Variants in CACNA2D3 observed in about 807,000 individuals in gnomAD.
CACNA2D3 encodes the protein voltage-dependent calcium channel subunit alpha-2/delta-3.
CACNA2D3 carries 60 observed loss-of-function variants against 160.6 expected under a neutral mutation model. The ratio of observed to expected loss-of-function variants is 0.37; its 90% CI spans 0.30 to 0.46. The LOEUF is 0.46. CACNA2D3 is among the 20% of genes least tolerant of loss of function. CACNA2D3 has a pLI of 1.00. For missense variants in CACNA2D3, 1,205 were observed against 1,365.0 expected (o/e 0.88, Z 1.85); for synonymous variants, 558 against 492.9 (o/e 1.13, Z -1.75).
At chr3:54,503,355 A>C in intron 4 of CACNA2D3, 137 bp from the exon 5 acceptor site, 1 of 706,458 alleles carries the variant, frequency 1.4e-6, no homozygotes, top group Non-Finnish European at 2.4e-6. Context: ...TGGACAGTAC[A>C]TAAGACATAA....
intron 27 of CACNA2D3, among the ~76,000 whole-genome samples, chr3:54,929,264 A>G (rs1411043756): frequency 1.3e-5 from 2 of 152,176 alleles, no homozygotes; most frequent in Non-Finnish European, 2.9e-5. Context: ...ATATGGCAGT[A>G]CACGACATGG....
At chr3:54,568,022 T>C (rs977098263) in intron 6 of CACNA2D3, among the ~76,000 whole-genome samples, 7 of 152,246 alleles carry the variant, frequency 4.6e-5, no homozygotes, top group South Asian at 4.1e-4. Context: ...TAGTCCTTCA[T>C]AGTTCCATTA....
intron 3 of CACNA2D3, among the ~76,000 whole-genome samples, chr3:54,344,487 G>A (rs985102740): frequency 6.6e-6 from 1 of 152,188 alleles, no homozygotes; most frequent in Non-Finnish European, 1.5e-5. Context: ...TTCTGGCAAC[G>A]AGAAATCATT....
At chr3:54,211,175 C>CTT (rs60436775) in intron 2 of CACNA2D3, among the ~76,000 whole-genome samples, 2 of 151,100 alleles carry the variant, frequency 1.3e-5, no homozygotes, top group African/African-American at 4.9e-5. Context: ...TATTTCCCCT[C>CTT]TTTTTTTTTA....
intron 4 of CACNA2D3, among the ~76,000 whole-genome samples, chr3:54,464,620 C>T (rs972364980): frequency 3.9e-5 from 6 of 152,212 alleles, no homozygotes; most frequent in African/African-American, 4.8e-5. Context: ...TTTTTAAGCC[C>T]GTCGGAAAAG....
intron 9 of CACNA2D3, among the ~76,000 whole-genome samples, chr3:54,620,164 A>G (rs978015948): frequency 6.6e-6 from 1 of 152,140 alleles, no homozygotes; most frequent in Non-Finnish European, 1.5e-5. Flanking sequence ...TAGGGTGGAC[A>G]TGGCTGTTGG....
At chr3:54,279,582 G>A (rs1702823288) in intron 2 of CACNA2D3, among the ~76,000 whole-genome samples, 1 of 152,204 alleles carries the variant, frequency 6.6e-6, no homozygotes, top group Non-Finnish European at 1.5e-5. Context: ...GCGCAGGAAG[G>A]TTGGATTTTC....
At chr3:54,559,680 T>G (rs1702295472) in intron 5 of CACNA2D3, among the ~76,000 whole-genome samples, 1 of 152,182 alleles carries the variant, frequency 6.6e-6, no homozygotes, top group African/African-American at 2.4e-5. Context: ...TACAGATTAT[T>G]TCATCACTTA....
chr3:54,143,461 A>G (rs1045933304), intron 2 of CACNA2D3, among the ~76,000 whole-genome samples: 4 of 152,220 alleles, frequency 2.6e-5, no homozygotes, highest in African/African-American at 9.6e-5. Context: ...ACAAACTGCT[A>G]TCCCATTATT....
rs192156487 is a variant in CACNA2D3 at position 54,928,869 on chromosome 3, C to T, written c.2449+29001C>T. Among the ~76,000 whole-genome samples, 17 of 152,246 alleles carry T rather than the reference C, an allele frequency of 1.1e-4. No homozygotes were observed. The East Asian group carries it at 2.7e-3, about 24-fold the overall frequency. ...CCCCCTGTGAGCATCAGGCGTCAGT[C>T]GACTGTGACTCTTCTCTAATTGAAG... is the stretch of plus-strand genomic sequence containing the variant. On this transcript the variant is annotated intron_variant, in intron 27 of 37. Coordinates refer to ENST00000474759, the MANE Select transcript of CACNA2D3 (RefSeq NM_018398.3).
At chr3:55,058,301 C>T (rs1202561740) in intron 35 of CACNA2D3, among the ~76,000 whole-genome samples, 2 of 152,120 alleles carry the variant, frequency 1.3e-5, no homozygotes, top group Non-Finnish European at 2.9e-5. Context: ...TAGATAGAGT[C>T]AAAGTAGGAA....
At chr3:54,571,650 TGTGTGTGTGG>T (rs1265020376) in intron 8 of CACNA2D3, among the ~76,000 whole-genome samples, 1 of 148,050 alleles carries the variant, frequency 6.8e-6, no homozygotes, top group East Asian at 2.0e-4. Context: ...TGTGTGTGTG[TGTGTGTGTGG>T]TGGACACTTA....
chr3:54,550,390 G>A (rs1235653528), intron 5 of CACNA2D3, among the ~76,000 whole-genome samples: 1 of 152,222 alleles, frequency 6.6e-6, no homozygotes, highest in Admixed American at 6.5e-5. Flanking sequence ...TGAGCGTGAT[G>A]GAGTGCGAGG....
chr3:54,148,866 A>G (rs764800518), intron 2 of CACNA2D3, among the ~76,000 whole-genome samples: 9 of 151,230 alleles, frequency 6.0e-5, no homozygotes, highest in Non-Finnish European at 1.3e-4. Flanking sequence ...AATCCCAGCT[A>G]CTCAGGAGGC....
chr3:54,752,162 G>A (rs139203258), intron 11 of CACNA2D3, among the ~76,000 whole-genome samples: 37 of 152,310 alleles, frequency 2.4e-4, no homozygotes, highest in African/African-American at 8.7e-4. Context: ...TCTGCAGCCT[G>A]TCCTCACCAT....
At chr3:54,489,484 G>A (rs1701072755) in intron 4 of CACNA2D3, among the ~76,000 whole-genome samples, 1 of 152,204 alleles carries the variant, frequency 6.6e-6, no homozygotes, top group South Asian at 2.1e-4. Flanking sequence ...GTTTTATACA[G>A]TTCAATCTAA....
At chr3:54,351,866 A>G (rs1036443884) in intron 3 of CACNA2D3, among the ~76,000 whole-genome samples, 1 of 152,212 alleles carries the variant, frequency 6.6e-6, no homozygotes, top group African/African-American at 2.4e-5. Context: ...CTTAGCATTC[A>G]AAGATCTCGC....
At chr3:54,971,170 T>A (rs1702270173) in intron 29 of CACNA2D3, among the ~76,000 whole-genome samples, 1 of 151,656 alleles carries the variant, frequency 6.6e-6, no homozygotes, top group Non-Finnish European at 1.5e-5. Context: ...TCTGTGATCA[T>A]CAGATCAAAA....
Position 54,153,203 on chromosome 3 carries a change from C to CA in CACNA2D3, c.204+29617dup, listed in dbSNP as rs201822497. On this transcript the variant is annotated intron_variant, in intron 2 of 37. Transcript: ENST00000474759. Reference sequence around the variant, plus strand: ...TTCTGGGCCTGAGTGTCCACGTCTGCAAAAAAAATGACAGTGCTCTCCTGG... The same window carrying CA: ...TTCTGGGCCTGAGTGTCCACGTCTGCAAAAAAAAATGACAGTGCTCTCCTGG... 9.7e-3 allele frequency among the ~76,000 whole-genome samples: 1,479 copies of CA among 151,694 alleles called. 26 individuals are homozygous for CA. Among genetic ancestry groups the CA allele is most frequent in the African/African-American group, 0.033 (1,366 of 41,352 alleles).
Sources: gnomAD v4.1 joint callset for allele counts (sites outside exome capture counted in the v4.1 genomes callset) on GRCh38, gnomAD v4.1.1 for gene constraint, MANE v1.5 for transcripts, NCBI Gene and HGNC (gene_info 2026-07-23, HGNC 2026-07-21) for gene names.